Variants in MAP3K2 observed in about 807,000 individuals in gnomAD.
MAP3K2 encodes the protein mitogen-activated protein kinase kinase kinase 2, also known as MAP/ERK kinase kinase 2.
In MAP3K2, 24 loss-of-function variants were observed where a neutral mutation model predicts 80.3. The observed-to-expected ratio is 0.30, with a 90% CI of 0.22 to 0.42. The LOEUF (loss-of-function observed/expected upper bound fraction) is 0.42. Ranked by LOEUF, MAP3K2 falls within the 10% of genes least tolerant of loss-of-function variation. The pLI is 1.00. For missense variants in MAP3K2, 608 were observed against 750.1 expected, an observed-to-expected ratio of 0.81 and a Z score of 2.21; for synonymous variants, 244 against 253.7, an observed-to-expected ratio of 0.96 and a Z score of 0.36.
At chr2:127,376,262 T>C (rs899797385) in intron 1 of MAP3K2, among the ~76,000 whole-genome samples, 6 of 123,228 alleles carry the variant, frequency 4.9e-5, no homozygotes, top group African/African-American at 1.9e-4. Context: ...TAAGTTTACT[T>C]AGACCTTGGA....
At chr2:127,350,309 G>GAA (rs34718563) in intron 1 of MAP3K2, among the ~76,000 whole-genome samples, 1 of 151,512 alleles carries the variant, frequency 6.6e-6, no homozygotes, top group Non-Finnish European at 1.5e-5. Context: ...CCACTGAATA[G>GAA]AAAAAATGAA....
At chr2:127,343,245 G>A in intron 1 of MAP3K2, 51 bp from the exon 2 acceptor site, 2 of 712,034 alleles carry the variant, frequency 2.8e-6, no homozygotes, top group Non-Finnish European at 2.3e-6. Flanking sequence ...CAGAAAAGGA[G>A]CCAGGAAAAG....
chr2:127,324,564 C>CA (rs1443766132), intron 9 of MAP3K2, among the ~76,000 whole-genome samples: 1 of 152,086 alleles, frequency 6.6e-6, no homozygotes, highest in African/African-American at 2.4e-5. Flanking sequence ...TCTGCATCAA[C>CA]AAAAAAGATA....
intron 5 of MAP3K2, among the ~76,000 whole-genome samples, chr2:127,334,855 C>A (rs536535002): frequency 6.6e-6 from 1 of 151,054 alleles, no homozygotes; most frequent in East Asian, 1.9e-4. Flanking sequence ...ATTGCAACCT[C>A]TGCCTCCCGG....
chr2:127,307,657 G>A lies in MAP3K2; in HGVS notation c.1782C>T (p.Leu594=), dbSNP rs1685728593. The change falls in exon 17 of 17, where the codon CTC becomes CTT. Residue 594 remains leucine, a synonymous_variant. Transcript: ENST00000682094. The surrounding 1 kb of genome is among the most constrained non-coding windows in gnomAD (Gnocchi z 5.4). The part of the protein sequence containing the change: ...PHVSDYTRDF[L]KRIFVEAKLR... ...GTTTGGCCTCTACAAAAATCCGTTT[G>A]AGGAAATCTCGAGTATAGTCTGAGA... The A allele has an allele frequency of 1.3e-6, 2 of 1,591,872 alleles. No individual in the cohort carries two copies. Among genetic ancestry groups the A allele is most frequent in the African/African-American group, 1.3e-5 (1 of 74,610 alleles).
intron 1 of MAP3K2, among the ~76,000 whole-genome samples, chr2:127,378,754 GT>G (rs930118192): frequency 2.0e-5 from 3 of 151,966 alleles, no homozygotes; most frequent in Non-Finnish European, 4.4e-5. Flanking sequence ...TGGTTTTTGT[GT>G]TTGTTTGTTT....
chr2:127,377,604 C>T (rs1162327687), intron 1 of MAP3K2, among the ~76,000 whole-genome samples: 1 of 151,888 alleles, frequency 6.6e-6, no homozygotes, highest in African/African-American at 2.4e-5. Context: ...TGACTCTGAG[C>T]CTTACCTGTA....
intron 1 of MAP3K2, among the ~76,000 whole-genome samples, chr2:127,348,886 C>T (rs1009112332): frequency 6.6e-6 from 1 of 152,062 alleles, no homozygotes; most frequent in African/African-American, 2.4e-5. Context: ...GAAGTTCGGG[C>T]TCAGTATTAT....
intron 14 of MAP3K2, among the ~76,000 whole-genome samples, chr2:127,317,352 T>C (rs1685927701): frequency 6.6e-6 from 1 of 152,210 alleles, no homozygotes; most frequent in Non-Finnish European, 1.5e-5. Flanking sequence ...GGTGTGAATA[T>C]ATCAGCTATA....
chr2:127,314,460 A>G (rs566530837), intron 15 of MAP3K2, among the ~76,000 whole-genome samples: 59 of 152,240 alleles, frequency 3.9e-4, no homozygotes, highest in African/African-American at 1.4e-3. Flanking sequence ...CAGGGATCCT[A>G]CTCTTAGCCA....
Position 127,329,990 on chromosome 2 carries a change from A to G in MAP3K2, c.397T>C (p.Leu133=), listed in dbSNP as rs771809211. The part of the protein sequence containing the change: ...GSTQATNLEP[L]PSLEDLDNTV... ...TTATCCAAATCTTCTAGTGATGGCA[A>G]TGGTTCTAAATTAGTAGCCTACAAA... Residue 133 remains leucine, a synonymous_variant, in exon 7 of 17, where the codon TTG becomes CTG. Coordinates refer to ENST00000682094, the MANE Select transcript of MAP3K2 (RefSeq NM_001371910.2). 21 of 1,607,070 alleles carry G rather than the reference A, an allele frequency of 1.3e-5. No individual in the cohort carries two copies. The highest frequency in any genetic ancestry group is 1.6e-5 in the Non-Finnish European group (19 of 1,174,298).
At position 127,319,650 on chromosome 2, in the gene MAP3K2, C is replaced by CAAAAAAAAAAA. The variant is rs57472022; in HGVS notation, c.1046-1344_1046-1334dup. 3.7e-3 allele frequency among the ~76,000 whole-genome samples: 269 copies of CAAAAAAAAAAA among 71,852 alleles called. 2 individuals are homozygous for CAAAAAAAAAAA. The highest frequency in any genetic ancestry group is 5.9e-3 in the African/African-American group (103 of 17,378). The allele number at this position is 71,852 out of a possible 152,430, so 47.1% of individuals were successfully genotyped here. ...TGAAACCCCATCTCTACTAAAAATACAAAAAAAAAAAAAAAAAAAAAAAAA... is the reference window on the plus strand; with the variant it reads ...TGAAACCCCATCTCTACTAAAAATACAAAAAAAAAAAAAAAAAAAAAAAAAAAAAAAAAAAA... On this transcript the variant is annotated intron_variant, in intron 12 of 16. Transcript: ENST00000682094.
intron 8 of MAP3K2, 31 bp downstream of exon 8, chr2:127,326,656 A>G (rs1349245744): frequency 1.3e-6 from 2 of 1,488,734 alleles, no homozygotes; most frequent in Non-Finnish European, 1.8e-6. Flanking sequence ...ATCTCTTTAA[A>G]TTAAATTTAA....
chr2:127,375,553 G>T (rs1037555645), intron 1 of MAP3K2, among the ~76,000 whole-genome samples: 1 of 151,838 alleles, frequency 6.6e-6, no homozygotes, highest in Non-Finnish European at 1.5e-5. Flanking sequence ...GAGACCACAG[G>T]CACATGCCAC....
At chr2:127,369,008 C>T (rs981653485) in intron 1 of MAP3K2, among the ~76,000 whole-genome samples, 42 of 151,976 alleles carry the variant, frequency 2.8e-4, no homozygotes, top group Non-Finnish European at 5.0e-4. Context: ...AGTGCAGTGG[C>T]GGGATCTCGG....
chr2:127,370,206 G>GCAGCGCAAGCACAGGCTTGTCAGGGCCT lies in MAP3K2; in HGVS notation c.-66+17218_-66+17245dup, dbSNP rs1418055330. ...TTAAATCTATACTGAATAAATGCCC[G>GCAGCGCAAGCACAGGCTTGTCAGGGCCT]CAGCGCAAGCACAGGCTTGTCAGGG... is the stretch of plus-strand genomic sequence containing the variant. On this transcript the variant is annotated intron_variant, in intron 1 of 16. Transcript: ENST00000682094. Among the ~76,000 whole-genome samples, 13 of 152,250 alleles carry GCAGCGCAAGCACAGGCTTGTCAGGGCCT rather than the reference G, an allele frequency of 8.5e-5. No homozygotes were observed. In the East Asian group the frequency reaches 1.5e-3, roughly 18 times the overall value.
chr2:127,385,598 G>A (rs145151233), intron 1 of MAP3K2, among the ~76,000 whole-genome samples: 127 of 152,146 alleles, frequency 8.3e-4, no homozygotes, highest in Non-Finnish European at 2.1e-4. Context: ...AATATGGCAA[G>A]ATAACAACAA....
chr2:127,380,727 T>C (rs1388606013), intron 1 of MAP3K2, among the ~76,000 whole-genome samples: 6 of 152,098 alleles, frequency 3.9e-5, no homozygotes, highest in South Asian at 2.1e-4. Flanking sequence ...AAGAGAAATA[T>C]AGTCAACCAA....
At chr2:127,345,228 G>A (rs990886901) in intron 1 of MAP3K2, among the ~76,000 whole-genome samples, 6 of 152,116 alleles carry the variant, frequency 3.9e-5, no homozygotes, top group African/African-American at 1.4e-4. Context: ...AGTCAAAACA[G>A]ACCTGCAGTG....
Sources: gnomAD v4.1 joint callset for allele counts (sites outside exome capture counted in the v4.1 genomes callset) on GRCh38, gnomAD v4.1.1 for gene constraint, Gnocchi (gnomAD v3.1) non-coding constraint, MANE v1.5 for transcripts, NCBI Gene and HGNC (gene_info 2026-07-23, HGNC 2026-07-21) for gene names.